TGFBR3: variants seen among roughly 807,000 people sequenced by gnomAD.
TGFBR3 encodes the protein transforming growth factor beta receptor type 3.
A neutral mutation model predicts 87.9 loss-of-function variants in TGFBR3; 46 were observed. That is an observed-to-expected ratio of 0.52 (90% confidence interval 0.41 to 0.67). The LOEUF is 0.67. Ranked by LOEUF, TGFBR3 falls within the 30% of genes least tolerant of loss-of-function variation. The pLI is 0.00. For missense variants in TGFBR3, 866 were observed against 1,041.9 expected, an observed-to-expected ratio of 0.83 and a Z score of 2.32; for synonymous variants, 381 against 391.6, an observed-to-expected ratio of 0.97 and a Z score of 0.32.
intron 2 of TGFBR3, among the ~76,000 whole-genome samples, chr1:91,844,860 T>G (rs1477649273): frequency 1.3e-5 from 2 of 152,176 alleles, no homozygotes; most frequent in African/African-American, 4.8e-5. Flanking sequence ...CTTTCATAAT[T>G]CCTCATAGCT....
chr1:91,898,043 T>TA lies in TGFBR3; in HGVS notation c.-114+1593_-114+1594insT, dbSNP rs1557767577. ...GTCTCCATTAAAAAATGTTTTCAATTTAAAAAAAAAAAAAGAAATAAAACA... is the reference window on the plus strand; with the variant it reads ...GTCTCCATTAAAAAATGTTTTCAATTATAAAAAAAAAAAAAGAAATAAAACA... On this transcript the variant is annotated intron_variant, in intron 2 of 17. Coordinates refer to the TGFBR3 transcript ENST00000370399. Among the ~76,000 whole-genome samples the TA allele has an allele frequency of 1.4e-3, 12 of 8,460 alleles. No homozygotes were observed. The East Asian group carries it at 0.074, about 52-fold the overall frequency. 5.6% of individuals were successfully genotyped at this position (8,460 alleles called of 152,430 possible). A position where few individuals can be genotyped will look rare whatever the true frequency, so the allele number is the denominator to read the frequency against.
chr1:91,712,521 G>C lies in TGFBR3; in HGVS notation c.1888C>G (p.Gln630Glu), dbSNP rs2100760907. The change falls in exon 13 of 17, where the codon CAA becomes GAA. Residue 630 changes from glutamine (Q) to glutamate (E), a missense_variant. Physicochemically the swap from Gln to Glu is conservative, Grantham distance 29 (BLOSUM62 2). Transcript: ENST00000212355. The part of the protein sequence containing the change: ...YVEVSVTKAE[Q>E]ELGFAIQTCF... ...GTTTGGATGGCAAATCCCAGTTCTT[G>C]TTCAGCCTTAGTAACAGATACCTAT... is the stretch of plus-strand genomic sequence containing the variant. 6.2e-7 allele frequency: 1 copy of C among 1,614,150 alleles called. No individual in the cohort carries two copies.
intron 16 of TGFBR3, among the ~76,000 whole-genome samples, chr1:91,689,840 T>TAAAAAAAAAAAA (rs545760131): frequency 2.0e-4 from 20 of 99,268 alleles, no homozygotes; most frequent in Middle Eastern, 6.4e-3. Context: ...AGAAACTGAT[T>TAAAAAAAAAAAA]AAAAAAAAAA....
At chr1:91,891,199 T>C (rs1372850339) in intron 2 of TGFBR3, among the ~76,000 whole-genome samples, 2 of 151,948 alleles carry the variant, frequency 1.3e-5, no homozygotes, top group Non-Finnish European at 2.9e-5. Flanking sequence ...TCTCTTTTTT[T>C]TTTTTTTAAG....
chr1:91,716,104 A>G (rs1047763088), intron 12 of TGFBR3, 132 bp downstream of exon 12: 11 of 1,105,540 alleles, frequency 9.9e-6, no homozygotes, highest in Admixed American at 2.1e-5. Flanking sequence ...CTCTGAGCCA[A>G]TCCCTCATCA....
intron 2 of TGFBR3, among the ~76,000 whole-genome samples, chr1:91,815,664 C>G (rs535373195): frequency 2.0e-5 from 3 of 152,292 alleles, no homozygotes; most frequent in Middle Eastern, 3.4e-3. Context: ...TTGGTTGCCT[C>G]ACCTGGAGTT....
At chr1:91,688,375 CCTCCACAG>C (rs1232383984) in intron 16 of TGFBR3, among the ~76,000 whole-genome samples, 1 of 152,162 alleles carries the variant, frequency 6.6e-6, no homozygotes, top group East Asian at 1.9e-4. Flanking sequence ...GGAAGGCTGT[CCTCCACAG>C]CTATCGCTAC....
intron 1 of TGFBR3, among the ~76,000 whole-genome samples, chr1:91,901,614 G>T (rs1479507455): frequency 6.6e-6 from 1 of 151,960 alleles, no homozygotes; most frequent in Non-Finnish European, 1.5e-5. Flanking sequence ...AAATTTTATG[G>T]AAATAAACAT....
chr1:91,829,470 G>T (rs988144868), intron 2 of TGFBR3, among the ~76,000 whole-genome samples: 1 of 151,822 alleles, frequency 6.6e-6, no homozygotes, highest in Non-Finnish European at 1.5e-5. Context: ...CACTGGCTGT[G>T]GTTCTGACAA....
At chr1:91,742,444 C>T (rs1170345416) in intron 4 of TGFBR3, among the ~76,000 whole-genome samples, 6 of 152,204 alleles carry the variant, frequency 3.9e-5, no homozygotes, top group Non-Finnish European at 5.9e-5. Flanking sequence ...ATTCCCATTA[C>T]CCAAACTCAT....
chr1:91,801,362 T>C (rs1033549445), intron 2 of TGFBR3, among the ~76,000 whole-genome samples: 25 of 152,212 alleles, frequency 1.6e-4, no homozygotes, highest in Admixed American at 3.9e-4. Context: ...AGAGAGATGA[T>C]GGTGCCCGTG....
chr1:91,758,488 T>G (rs1673829014), intron 4 of TGFBR3, 125 bp downstream of exon 4: 1 of 1,192,378 alleles, frequency 8.4e-7, no homozygotes. Context: ...ATCCTCCAAA[T>G]TTAACACTCT....
In TGFBR3 at chr1:91,683,315, C is replaced by T. The variant is rs761525685; in HGVS notation, c.*424G>A. ...GGTTCAGATATAAAGAATCTTTGGCCGCATCTCCTCACTGGTTCTACTATC... is the reference window on the plus strand; with the variant it reads ...GGTTCAGATATAAAGAATCTTTGGCTGCATCTCCTCACTGGTTCTACTATC... On this transcript the variant is annotated 3_prime_UTR_variant, in exon 17 of 17. Coordinates refer to ENST00000212355, the MANE Select transcript of TGFBR3 (RefSeq NM_003243.5). 8 of 462,202 alleles carry T rather than the reference C, an allele frequency of 1.7e-5. No homozygotes were observed. Among genetic ancestry groups the T allele is most frequent in the Non-Finnish European group, 3.0e-5 (7 of 232,268 alleles). 28.6% of individuals were successfully genotyped at this position (462,202 alleles called of 1,614,324 possible).
At chr1:91,700,693 C>A (rs1370568714) in intron 14 of TGFBR3, among the ~76,000 whole-genome samples, 1 of 152,196 alleles carries the variant, frequency 6.6e-6, no homozygotes, top group Non-Finnish European at 1.5e-5. Flanking sequence ...ACGCTAACTA[C>A]AGAATGCACT....
At position 91,860,934 on chromosome 1, in the gene TGFBR3, C is replaced by CAAAAAAAAAA. The variant is rs3039477; in HGVS notation, c.61+527_61+536dup. On this transcript the variant is annotated intron_variant, in intron 2 of 16. Transcript: ENST00000212355. ...GTGACAGAGCAAGACTCTGTCTCCA[C>CAAAAAAAAAA]AAAAAAAAAAAAAAAAAAAAAAAAA... Among the ~76,000 whole-genome samples, 4 of 35,636 alleles carry CAAAAAAAAAA rather than the reference C, an allele frequency of 1.1e-4. 1 individual carries two copies. The highest frequency in any genetic ancestry group is 3.9e-4 in the African/African-American group (4 of 10,320). 23.4% of individuals were successfully genotyped at this position (35,636 alleles called of 152,430 possible). A position where few individuals can be genotyped will look rare whatever the true frequency, so the allele number is the denominator to read the frequency against.
Position 91,682,638 on chromosome 1 carries a change from G to A in TGFBR3, c.*1101C>T, listed in dbSNP as rs1321034276. Reference sequence around the variant, plus strand: ...CTATTCAGATAACCAACTGGAGACCGACAGGATTTGCCATGCATTTGCATC... The same window carrying A: ...CTATTCAGATAACCAACTGGAGACCAACAGGATTTGCCATGCATTTGCATC... On this transcript the variant is annotated 3_prime_UTR_variant, in exon 17 of 17. Coordinates refer to ENST00000212355, the MANE Select transcript of TGFBR3 (RefSeq NM_003243.5). The A allele has an allele frequency of 6.6e-6, 3 of 453,800 alleles. No homozygotes were observed. Among genetic ancestry groups the A allele is most frequent in the African/African-American group, 2.0e-5 (1 of 50,016 alleles). The allele number at this position is 453,800 out of a possible 1,614,324, so 28.1% of individuals were successfully genotyped here. A position where few individuals can be genotyped will look rare whatever the true frequency, so the allele number is the denominator to read the frequency against.
chr1:91,773,841 T>C lies in TGFBR3; in HGVS notation c.247-15091A>G, dbSNP rs184824791. ...TAGTTTAGCCTGCCAAAGTGAATAC[T>C]AGAGAACAAAATAGAAGTGCTTTCT... On this transcript the variant is annotated intron_variant, in intron 3 of 16. Coordinates refer to ENST00000212355, the MANE Select transcript of TGFBR3 (RefSeq NM_003243.5). Among the ~76,000 whole-genome samples the C allele has an allele frequency of 6.1e-4, 93 of 152,342 alleles. 1 individual carries two copies. The highest frequency in any genetic ancestry group is 2.1e-3 in the African/African-American group (89 of 41,582).
chr1:91,744,338 G>C (rs760891298), intron 4 of TGFBR3, among the ~76,000 whole-genome samples: 1 of 151,928 alleles, frequency 6.6e-6, no homozygotes, highest in Non-Finnish European at 1.5e-5. Flanking sequence ...TGCCCACCCC[G>C]GCCTCCCAAA....
intron 2 of TGFBR3, among the ~76,000 whole-genome samples, chr1:91,851,080 A>C (rs1266145461): frequency 2.0e-5 from 3 of 152,218 alleles, no homozygotes; most frequent in Non-Finnish European, 4.4e-5. Context: ...CTTTAAAATA[A>C]TTTTTTAAAT....
Sources: gnomAD v4.1 joint callset for allele counts (sites outside exome capture counted in the v4.1 genomes callset) on GRCh38, gnomAD v4.1.1 for gene constraint, MANE v1.5 for transcripts, NCBI Gene and HGNC (gene_info 2026-07-23, HGNC 2026-07-21) for gene names.